ARHGAP42: variants seen among roughly 807,000 people sequenced by gnomAD.
The protein encoded by ARHGAP42 is rho GTPase-activating protein 42.
A neutral mutation model predicts 125.0 loss-of-function variants in ARHGAP42; 63 were observed. The ratio of observed to expected loss-of-function variants is 0.50; its 90% CI spans 0.41 to 0.62. ARHGAP42 has a LOEUF of 0.62. ARHGAP42 is among the 20% of genes least tolerant of loss of function. The pLI is 0.00. For synonymous variants in ARHGAP42, 339 were observed against 351.0 expected, an observed-to-expected ratio of 0.97 and a Z score of 0.38; for missense variants, 766 against 1,024.2, an observed-to-expected ratio of 0.75 and a Z score of 3.44.
chr11:100,772,438 T>C (rs1863005453), intron 2 of ARHGAP42, among the ~76,000 whole-genome samples: 1 of 152,124 alleles, frequency 6.6e-6, no homozygotes, highest in African/African-American at 2.4e-5. Context: ...TTTAGAAGTG[T>C]TAGTTAATTT....
At chr11:100,861,300 T>C (rs1865439914) in intron 4 of ARHGAP42, among the ~76,000 whole-genome samples, 2 of 152,262 alleles carry the variant, frequency 1.3e-5, no homozygotes, top group African/African-American at 2.4e-5. Context: ...AAGTCCAGTA[T>C]GTTTGGAGCA....
intron 4 of ARHGAP42, among the ~76,000 whole-genome samples, chr11:100,901,236 A>T (rs1383726411): frequency 6.6e-6 from 1 of 152,176 alleles, no homozygotes; most frequent in Non-Finnish European, 1.5e-5. Context: ...CAGAACAGCA[A>T]ATATCGCACA....
At chr11:100,754,350 A>T (rs1862526207) in intron 1 of ARHGAP42, among the ~76,000 whole-genome samples, 1 of 152,246 alleles carries the variant, frequency 6.6e-6, no homozygotes, top group South Asian at 2.1e-4. Flanking sequence ...GAAATCAGAC[A>T]TACTTGAAAT....
chr11:100,688,118 T>G (rs1861121477), intron 1 of ARHGAP42, among the ~76,000 whole-genome samples: 1 of 150,684 alleles, frequency 6.6e-6, no homozygotes, highest in East Asian at 2.0e-4. Context: ...AGGAAGATGT[T>G]GGGGACTTTA....
intron 8 of ARHGAP42, among the ~76,000 whole-genome samples, chr11:100,941,207 C>G (rs1261354351): frequency 2.0e-5 from 3 of 152,080 alleles, no homozygotes; most frequent in Non-Finnish European, 4.4e-5. Context: ...GCAAGGCGGG[C>G]AGTGTAGCTG....
At chr11:100,713,685 T>G (rs1202660214) in intron 1 of ARHGAP42, among the ~76,000 whole-genome samples, 1 of 152,228 alleles carries the variant, frequency 6.6e-6, no homozygotes, top group Non-Finnish European at 1.5e-5. Context: ...ATGGAAATTT[T>G]AAGGTATTTA....
At chr11:100,986,501 G>A (rs1858682401) in intron 22 of ARHGAP42, 1 of 171,504 alleles carries the variant, frequency 5.8e-6, no homozygotes, top group African/African-American at 2.4e-5. Context: ...TAGGAAGCCA[G>A]TTGAAGGGTT....
intron 2 of ARHGAP42, among the ~76,000 whole-genome samples, chr11:100,794,050 C>T (rs1043634409): frequency 7.1e-5 from 8 of 112,802 alleles, no homozygotes; most frequent in East Asian, 3.0e-4. Context: ...CTCTCCAATC[C>T]GAACAACAGA....
chr11:100,955,037 T>C (rs1345845946), intron 12 of ARHGAP42, among the ~76,000 whole-genome samples: 1 of 152,142 alleles, frequency 6.6e-6, no homozygotes, highest in African/African-American at 2.4e-5. Context: ...TGTAAGGACA[T>C]ACTAGGTTTT....
chr11:100,961,676 C>A lies in ARHGAP42; in HGVS notation c.1301-8C>A. 6.5e-7 allele frequency: 1 copy of A among 1,549,904 alleles called. No homozygotes were observed. The highest frequency in any genetic ancestry group is 8.7e-7 in the Non-Finnish European group (1 of 1,145,960). On this transcript the variant is annotated splice_polypyrimidine_tract_variant and splice_region_variant and intron_variant, in intron 14 of 23. Transcript: ENST00000298815. ...CACAATTTAAACACCTTGTTTTATTCTTTCCAGCTCCTAAATCCCCTCCTG... is the reference window on the plus strand; with the variant it reads ...CACAATTTAAACACCTTGTTTTATTATTTCCAGCTCCTAAATCCCCTCCTG...
intron 3 of ARHGAP42, chr11:100,840,615 A>G (rs1864922432): frequency 6.6e-6 from 1 of 152,176 alleles, no homozygotes; most frequent in Admixed American, 6.5e-5. Context: ...AAAATCACAG[A>G]TGCTGACACT....
In ARHGAP42 at chr11:100,989,353, G is replaced by A; in HGVS notation, c.*552G>A. On this transcript the variant is annotated 3_prime_UTR_variant, in exon 24 of 24. Coordinates refer to ENST00000298815, the MANE Select transcript of ARHGAP42 (RefSeq NM_152432.4). ...TATAACTTTATTTGTTTTCCAAGTA[G>A]ATGATAATATTCAAAAGCAATAATG... 1 of 378,814 alleles carries A rather than the reference G, an allele frequency of 2.6e-6. No individual in the cohort carries two copies. The allele number at this position is 378,814 out of a possible 1,614,324, so 23.5% of individuals were successfully genotyped here. A position where few individuals can be genotyped will look rare whatever the true frequency, so the allele number is the denominator to read the frequency against.
Position 100,973,377 on chromosome 11 carries a change from G to T in ARHGAP42, c.1710+43G>T, listed in dbSNP as rs1220357503. 1.4e-5 allele frequency: 22 copies of T among 1,535,842 alleles called. No individual in the cohort carries two copies. The East Asian group carries it at 5.4e-4, about 38-fold the overall frequency. On this transcript the variant is annotated intron_variant, in intron 18 of 23. Transcript: ENST00000298815. Reference sequence around the variant, plus strand: ...GTGGAAGTGTCAAGTTTTATATCTTGGTTTTATAAAGGAATTTTGCATTTG... The same window carrying T: ...GTGGAAGTGTCAAGTTTTATATCTTTGTTTTATAAAGGAATTTTGCATTTG...
At chr11:100,735,775 A>C (rs946199110) in intron 1 of ARHGAP42, among the ~76,000 whole-genome samples, 1 of 151,556 alleles carries the variant, frequency 6.6e-6, no homozygotes, top group African/African-American at 2.4e-5. Flanking sequence ...CGCCCAGCTA[A>C]TTTTTTGCAT....
chr11:100,953,071 A>T (rs1857707654), intron 12 of ARHGAP42, among the ~76,000 whole-genome samples: 1 of 152,074 alleles, frequency 6.6e-6, no homozygotes, highest in African/African-American at 2.4e-5. Context: ...AAATCAGTTT[A>T]TATCTTTCTT....
rs1858872408 is a variant in ARHGAP42, at chr11:100,992,716, T to A, written c.*3915T>A. 1 of 1,541,298 alleles carries A rather than the reference T, an allele frequency of 6.5e-7. No homozygotes were observed. Among genetic ancestry groups the A allele is most frequent in the Non-Finnish European group, 8.7e-7 (1 of 1,147,782 alleles). On this transcript the variant is annotated 3_prime_UTR_variant, in exon 24 of 24. Transcript: ENST00000298815. ...ATGAATGATGTGGACTTTTAGAGGA[T>A]CAAATCAATAAATTGGATTTTTTAT...
chr11:100,759,680 G>A (rs1862658581), intron 1 of ARHGAP42, among the ~76,000 whole-genome samples: 1 of 152,098 alleles, frequency 6.6e-6, no homozygotes, highest in Middle Eastern at 3.2e-3. Context: ...CATCTAATAC[G>A]AGAGGAGGGG....
At chr11:100,687,879 C>G in intron 1 of ARHGAP42, 47 bp downstream of exon 1, 1 of 1,495,528 alleles carries the variant, frequency 6.7e-7, no homozygotes, top group Non-Finnish European at 9.0e-7. Flanking sequence ...TGGAGAGTCC[C>G]CGCGGGGTGC....
rs757372755 is a variant in ARHGAP42, at chr11:100,751,773, CTTTTTTTTTTTTTT to C, written c.155-18557_155-18544del. ...CTGGTTATTCAGATCAGACAGGCAC[CTTTTTTTTTTTTTT>C]TTTTTTTTTTTTGACGGAATCTCCC... On this transcript the variant is annotated intron_variant, in intron 1 of 23. Transcript: ENST00000298815. 8.2e-3 allele frequency among the ~76,000 whole-genome samples: 689 copies of C among 84,428 alleles called. 13 individuals carry two copies. The highest frequency in any genetic ancestry group is 0.032 in the African/African-American group (654 of 20,608). 55.4% of individuals were successfully genotyped at this position (84,428 alleles called of 152,430 possible).
Sources: gnomAD v4.1 joint callset for allele counts (sites outside exome capture counted in the v4.1 genomes callset) on GRCh38, gnomAD v4.1.1 for gene constraint, MANE v1.5 for transcripts, NCBI Gene and HGNC (gene_info 2026-07-23, HGNC 2026-07-21) for gene names.